COL19A1: variants seen among roughly 807,000 people sequenced by gnomAD.
The protein encoded by COL19A1 is collagen type XIX alpha 1 chain.
Under a neutral mutation model 190.2 loss-of-function variants are expected in COL19A1, and 159 were observed. That is an observed-to-expected ratio of 0.84 (90% confidence interval 0.73 to 0.95). COL19A1 has a LOEUF of 0.95. Ranked by LOEUF, COL19A1 falls within the 40% of genes least tolerant of loss-of-function variation. The pLI, the probability that COL19A1 is intolerant of heterozygous loss-of-function variation, is 0.00. For missense variants in COL19A1, 1,418 were observed against 1,431.9 expected (o/e 0.99, Z 0.16); for synonymous variants, 509 against 458.9 (o/e 1.11, Z -1.39).
chr6:70,205,456 A>C (rs1767797742), intron 49 of COL19A1, among the ~76,000 whole-genome samples: 1 of 152,230 alleles, frequency 6.6e-6, no homozygotes, highest in Non-Finnish European at 1.5e-5. Context: ...CACCTTTATG[A>C]AAAGGCACAA....
chr6:69,999,042 A>G (rs769583283), intron 11 of COL19A1, among the ~76,000 whole-genome samples: 20 of 151,408 alleles, frequency 1.3e-4, no homozygotes, highest in Non-Finnish European at 2.5e-4. Flanking sequence ...CTCCTGTCTC[A>G]GCCTCCCGAG....
chr6:70,066,395 G>A (rs962997672), intron 14 of COL19A1, among the ~76,000 whole-genome samples: 1 of 151,918 alleles, frequency 6.6e-6, no homozygotes, highest in East Asian at 1.9e-4. Context: ...TGGGAATTGA[G>A]CAATGAGAAC....
In COL19A1 at chr6:70,156,703, C is replaced by G. The variant is rs1787462791; in HGVS notation, c.2272C>G (p.Pro758Ala). 1 of 1,611,156 alleles carries G rather than the reference C, an allele frequency of 6.2e-7. No homozygotes were observed. The highest frequency in any genetic ancestry group is 1.7e-5 in the Admixed American group (1 of 59,774). ...AGGAGAGCGGGGCTACCCTGGGATA[C>G]CTGGGGAGAAAGGCGATGAGGTAAC... ...SKGERGYPGI[P>A]GEKGDEGLQG... The change falls in exon 34 of 51, where the codon CCT becomes GCT. Residue 758 changes from proline (P) to alanine (A), a missense_variant. Physicochemically the swap from Pro to Ala is conservative, Grantham distance 27. Transcript: ENST00000620364.
At chr6:70,157,105 T>C (rs570767827) in intron 34 of COL19A1, among the ~76,000 whole-genome samples, 121 of 152,208 alleles carry the variant, frequency 7.9e-4, no homozygotes, top group African/African-American at 2.8e-3. Flanking sequence ...AGCCTAGCAG[T>C]AAGGGCAGCT....
intron 44 of COL19A1, among the ~76,000 whole-genome samples, chr6:70,182,257 C>G (rs184388259): frequency 2.6e-5 from 4 of 152,270 alleles, no homozygotes; most frequent in Admixed American, 1.3e-4. Context: ...ATGGACTAAT[C>G]TAGAGAAGTG....
chr6:69,908,976 C>T (rs1770730919), intron 4 of COL19A1, among the ~76,000 whole-genome samples: 1 of 152,040 alleles, frequency 6.6e-6, no homozygotes, highest in African/African-American at 2.4e-5. Flanking sequence ...TTGTGTTTCA[C>T]ATGAGTTAAA....
intron 11 of COL19A1, among the ~76,000 whole-genome samples, chr6:70,000,461 T>A (rs2150083519): frequency 6.6e-6 from 1 of 152,320 alleles, no homozygotes; most frequent in East Asian, 1.9e-4. Context: ...TCCACAATGG[T>A]TGAACTAATT....
At chr6:69,995,840 C>T (rs1253182859) in intron 11 of COL19A1, among the ~76,000 whole-genome samples, 4 of 152,064 alleles carry the variant, frequency 2.6e-5, no homozygotes, top group African/African-American at 4.8e-5. Flanking sequence ...AGAGTTATTT[C>T]GTTAGATTAA....
intron 12 of COL19A1, among the ~76,000 whole-genome samples, chr6:70,025,613 T>A (rs545174918): frequency 6.6e-6 from 1 of 152,208 alleles, no homozygotes; most frequent in Admixed American, 6.5e-5. Context: ...TACAGTGGAT[T>A]CTGAAATGGA....
At chr6:70,155,397 C>T (rs1407377583) in intron 31 of COL19A1, among the ~76,000 whole-genome samples, 2 of 152,064 alleles carry the variant, frequency 1.3e-5, no homozygotes, top group African/African-American at 4.8e-5. Flanking sequence ...AAAAATAAGC[C>T]TATATAGAGC....
intron 11 of COL19A1, among the ~76,000 whole-genome samples, chr6:70,020,633 G>A (rs1778364362): frequency 6.6e-6 from 1 of 152,080 alleles, no homozygotes; most frequent in Admixed American, 6.6e-5. Flanking sequence ...CTCAATCAGA[G>A]GTGATTTTGC....
chr6:70,143,877 A>G (rs890904546), intron 23 of COL19A1, among the ~76,000 whole-genome samples: 1 of 151,936 alleles, frequency 6.6e-6, no homozygotes, highest in African/African-American at 2.4e-5. Context: ...TAGTAAAAAT[A>G]TATTTTTCTA....
In COL19A1 at chr6:70,151,434, T is replaced by C; in HGVS notation, c.2075T>C (p.Leu692Pro). 1 of 1,612,688 alleles carries C rather than the reference T, an allele frequency of 6.2e-7. No individual in the cohort carries two copies. Among genetic ancestry groups the C allele is most frequent in the Non-Finnish European group, 8.5e-7 (1 of 1,179,050 alleles). The stretch of plus-strand genomic sequence containing the variant: ...CTCTTGGGAGACATCGGTGCTTTGC[T>C]CAAGGTACTCTATTGCTATGTAAGA... ...LPLLGDIGAL[L>P]KNFCGNCQAS... The change falls in exon 31 of 51, where the codon CTC becomes CCC. Residue 692 changes from leucine to proline, a missense_variant. Leu to Pro is a moderately conservative substitution (Grantham distance 98). Coordinates refer to ENST00000620364, the MANE Select transcript of COL19A1 (RefSeq NM_001858.6).
At chr6:70,100,805 A>G (rs1207864449) in intron 15 of COL19A1, among the ~76,000 whole-genome samples, 1 of 152,114 alleles carries the variant, frequency 6.6e-6, no homozygotes, top group Admixed American at 6.6e-5. Flanking sequence ...AAAAATTTTA[A>G]ATCTGTTCTG....
chr6:70,156,644 G>A (rs1309898606), intron 33 of COL19A1, 26 bp from the exon 34 acceptor site: 2 of 1,609,152 alleles, frequency 1.2e-6, no homozygotes, highest in African/African-American at 2.7e-5. Context: ...GATTGCATGT[G>A]CTAGCTGAAT....
At chr6:69,963,050 T>G (rs2150047192) in intron 11 of COL19A1, among the ~76,000 whole-genome samples, 180 bp downstream of exon 11, 1 of 152,322 alleles carries the variant, frequency 6.6e-6, no homozygotes, top group South Asian at 2.1e-4. Flanking sequence ...GCCAGAAATC[T>G]TTCAAAACTT....
At chr6:69,938,154 T>C (rs1409027181) in intron 9 of COL19A1, 54 bp downstream of exon 9, 6 of 1,524,086 alleles carry the variant, frequency 3.9e-6, no homozygotes, top group Non-Finnish European at 5.4e-6. Context: ...AAAAAATGAC[T>C]TAAAAATGTG....
intron 14 of COL19A1, among the ~76,000 whole-genome samples, chr6:70,061,357 G>T (rs770956582): frequency 7.2e-5 from 11 of 151,888 alleles, no homozygotes; most frequent in Non-Finnish European, 1.6e-4. Flanking sequence ...ATTCATCAAG[G>T]ATTAAAAAAG....
chr6:70,166,177 A>G (rs1183757724), intron 37 of COL19A1, among the ~76,000 whole-genome samples, 192 bp downstream of exon 37: 1 of 152,182 alleles, frequency 6.6e-6, no homozygotes, highest in Non-Finnish European at 1.5e-5. Context: ...TCAATGTGCA[A>G]TGCTCAGATT....
Sources: gnomAD v4.1 joint callset for allele counts (sites outside exome capture counted in the v4.1 genomes callset) on GRCh38, gnomAD v4.1.1 for gene constraint, MANE v1.5 for transcripts, NCBI Gene and HGNC (gene_info 2026-07-23, HGNC 2026-07-21) for gene names.